Variants in PTPRT observed in about 807,000 individuals in gnomAD.
PTPRT encodes the protein receptor-type tyrosine-protein phosphatase T.
PTPRT carries 56 observed loss-of-function variants against 176.8 expected under a neutral mutation model. That is an observed-to-expected ratio of 0.32 (90% CI 0.26 to 0.40). The LOEUF (loss-of-function observed/expected upper bound fraction) is 0.40, where lower values mean the gene tolerates loss of function less well. Among genes scored for constraint, PTPRT ranks in the 10% least tolerant of loss-of-function variants. The pLI is 1.00. For synonymous variants in PTPRT, 783 were observed against 739.0 expected (o/e 1.06, Z -0.96); for missense variants, 1,540 against 1,908.2 (o/e 0.81, Z 3.60).
chr20:42,086,135 C>A (rs534129942), intron 27 of PTPRT, among the ~76,000 whole-genome samples: 2 of 152,020 alleles, frequency 1.3e-5, no homozygotes, highest in Admixed American at 6.5e-5. Flanking sequence ...GATGGGGTTT[C>A]GCCGTGTTGG....
chr20:42,913,001 C>T (rs1313619486), intron 1 of PTPRT, among the ~76,000 whole-genome samples: 2 of 151,924 alleles, frequency 1.3e-5, no homozygotes, highest in Admixed American at 6.6e-5. Context: ...CCTCTTACTA[C>T]GGATGGCCTT....
the PTPRT span, among the ~76,000 whole-genome samples, chr20:42,052,187 A>G: frequency 6.6e-6 from 1 of 152,188 alleles, no homozygotes; most frequent in Non-Finnish European, 1.5e-5. Flanking sequence ...CAGGGCACAC[A>G]TCTATGCAGC....
chr20:42,346,232 G>A (rs575004457), intron 11 of PTPRT, among the ~76,000 whole-genome samples: 15 of 152,280 alleles, frequency 9.9e-5, no homozygotes, highest in Middle Eastern at 3.4e-3. Flanking sequence ...TTCCAAGGAA[G>A]TCTTCAGGGA....
intron 7 of PTPRT, among the ~76,000 whole-genome samples, chr20:42,478,299 A>C (rs2071325992): frequency 6.6e-6 from 1 of 152,138 alleles, no homozygotes; most frequent in Non-Finnish European, 1.5e-5. Context: ...GCTTGTGTTC[A>C]TGCATGTGTG....
chr20:42,695,379 T>C (rs1041604601), intron 6 of PTPRT, among the ~76,000 whole-genome samples: 6 of 152,186 alleles, frequency 3.9e-5, no homozygotes, highest in Non-Finnish European at 1.5e-5. Context: ...AAATATTTGG[T>C]TCACAAACAC....
intron 16 of PTPRT, among the ~76,000 whole-genome samples, chr20:42,190,577 T>C (rs1329146287): frequency 6.6e-6 from 1 of 152,232 alleles, no homozygotes. Flanking sequence ...TACTTTGAGC[T>C]AGTGATTCTC....
At chr20:42,229,075 C>T (rs1198700439) in intron 15 of PTPRT, among the ~76,000 whole-genome samples, 1 of 152,096 alleles carries the variant, frequency 6.6e-6, no homozygotes, top group East Asian at 1.9e-4. Context: ...GGAAGAATTC[C>T]AGGAAGAATT....
intron 7 of PTPRT, among the ~76,000 whole-genome samples, chr20:42,590,512 G>A (rs1488832506): frequency 6.6e-6 from 1 of 152,050 alleles, no homozygotes; most frequent in Non-Finnish European, 1.5e-5. Flanking sequence ...GCTTAGTGGG[G>A]ACATAAAAAA....
intron 15 of PTPRT, among the ~76,000 whole-genome samples, chr20:42,219,478 G>A (rs964411921): frequency 6.6e-6 from 1 of 152,144 alleles, no homozygotes. Context: ...GTGATAGGAG[G>A]CTCACCACTT....
intron 2 of PTPRT, among the ~76,000 whole-genome samples, chr20:42,793,685 G>C (rs953062113): frequency 1.3e-5 from 2 of 152,112 alleles, no homozygotes; most frequent in Admixed American, 6.5e-5. Context: ...TCATAAACTC[G>C]CAAGGGGGCA....
chr20:42,107,998 C>T lies in PTPRT; in HGVS notation c.3255-1077G>A, dbSNP rs570686577. ...GAACCTACTCCCCAAAATCCAGATGCGGGGACTCAAGAGACTTGGCCTCTG... is the reference window on the plus strand; with the variant it reads ...GAACCTACTCCCCAAAATCCAGATGTGGGGACTCAAGAGACTTGGCCTCTG... On this transcript the variant is annotated intron_variant, in intron 23 of 30. Transcript: ENST00000373187. 3.3e-5 allele frequency among the ~76,000 whole-genome samples: 5 copies of T among 152,156 alleles called. No homozygotes were observed. In the South Asian group the frequency reaches 8.3e-4, roughly 25 times the overall value.
chr20:43,128,538 G>T (rs2013533527), intron 1 of PTPRT, among the ~76,000 whole-genome samples: 1 of 152,208 alleles, frequency 6.6e-6, no homozygotes, highest in Non-Finnish European at 1.5e-5. Flanking sequence ...CAGGTGAAAA[G>T]GACAGAAGGC....
At chr20:42,707,371 T>C (rs1318298987) in intron 6 of PTPRT, among the ~76,000 whole-genome samples, 3 of 152,190 alleles carry the variant, frequency 2.0e-5, no homozygotes, top group Non-Finnish European at 4.4e-5. Context: ...TAGGTTATGT[T>C]ACATGGCACC....
intron 1 of PTPRT, among the ~76,000 whole-genome samples, chr20:43,003,318 C>A (rs1984686508): frequency 6.6e-6 from 1 of 152,194 alleles, no homozygotes; most frequent in African/African-American, 2.4e-5. Context: ...TCTCAAGTAG[C>A]TGAGAATACA....
chr20:42,610,110 C>A (rs753306841), intron 7 of PTPRT, among the ~76,000 whole-genome samples: 1 of 152,130 alleles, frequency 6.6e-6, no homozygotes, highest in Non-Finnish European at 1.5e-5. Flanking sequence ...CTTTTTTCAG[C>A]GACTATTTTG....
At chr20:42,636,734 G>A (rs1455946644) in intron 7 of PTPRT, among the ~76,000 whole-genome samples, 9 of 151,334 alleles carry the variant, frequency 5.9e-5, no homozygotes, top group East Asian at 2.0e-4. Context: ...GCAGTGAGCC[G>A]AGATCACACC....
intron 27 of PTPRT, among the ~76,000 whole-genome samples, chr20:42,089,832 G>A (rs1984420047): frequency 6.6e-6 from 1 of 152,092 alleles, no homozygotes; most frequent in Non-Finnish European, 1.5e-5. Context: ...AGAAAGCAGG[G>A]GGGCCATGTT....
chr20:42,035,050 C>A, the PTPRT span, among the ~76,000 whole-genome samples: 1 of 152,056 alleles, frequency 6.6e-6, no homozygotes, highest in Non-Finnish European at 1.5e-5. Context: ...GCATAATTCC[C>A]ACTATCCAGA....
chr20:42,866,016 C>T (rs2078740251), intron 2 of PTPRT, among the ~76,000 whole-genome samples: 1 of 152,222 alleles, frequency 6.6e-6, no homozygotes, highest in Admixed American at 6.5e-5. Flanking sequence ...CCCAAACACC[C>T]AGTGGTTCTC....
Sources: allele counts gnomAD v4.1 joint callset (sites outside exome capture counted in the v4.1 genomes callset), GRCh38; gene constraint gnomAD v4.1.1; transcripts MANE v1.5; gene names NCBI Gene and HGNC (gene_info 2026-07-23, HGNC 2026-07-21).